The following TBC1D16 variants were observed in gnomAD, a reference collection of about 807,000 sequenced individuals.
The protein encoded by TBC1D16 is TBC1 domain family member 16.
Under a neutral mutation model 74.7 loss-of-function variants are expected in TBC1D16, and 58 were observed. The ratio of observed to expected loss-of-function variants is 0.78; its 90% confidence interval spans 0.63 to 0.97. The LOEUF is 0.97. TBC1D16 is among the 50% of genes least tolerant of loss of function. The pLI, the probability that TBC1D16 is intolerant of heterozygous loss-of-function variation, is 0.00. For missense variants in TBC1D16, 1,014 were observed against 1,079.5 expected (o/e 0.94, Z 0.85); for synonymous variants, 493 against 474.7 (o/e 1.04, Z -0.50).
Position 79,988,688 on chromosome 17 carries a change from G to A in TBC1D16, c.779+21472C>T, listed in dbSNP as rs1197117299. Among the ~76,000 whole-genome samples, 2 of 152,184 alleles carry A rather than the reference G, an allele frequency of 1.3e-5. No individual in the cohort carries two copies. Among genetic ancestry groups the A allele is most frequent in the Non-Finnish European group, 2.9e-5 (2 of 68,026 alleles). On this transcript the variant is annotated intron_variant, in intron 3 of 11. Transcript: ENST00000310924. The surrounding 1 kb of genome is among the most constrained non-coding windows in gnomAD (Gnocchi z 5.7). ...AAGGGCAAAAAGACTTTTTCTGGAG[G>A]GTCCTATGCACCAGATGTTGGCTCT...
At position 79,933,231 on chromosome 17, in the gene TBC1D16, A is replaced by T. The variant is rs1229736858; in HGVS notation, c.*7628T>A. On this transcript the variant is annotated 3_prime_UTR_variant, in exon 12 of 12. Transcript: ENST00000310924. ...GGACTTCTCTGGGTGGATGTGAGGG[A>T]GGGTGATTGAACTGGAGGAGGGGGC... 6.6e-6 allele frequency: 1 copy of T among 151,226 alleles called. No individual in the cohort carries two copies. 9.4% of individuals were successfully genotyped at this position (151,226 alleles called of 1,614,324 possible). A position where few individuals can be genotyped will look rare whatever the true frequency, so the allele number is the denominator to read the frequency against.
In TBC1D16 at chr17:79,980,061, G is replaced by A. The variant is rs2034516105; in HGVS notation, c.780-27243C>T. Among the ~76,000 whole-genome samples, 1 of 152,156 alleles carries A rather than the reference G, an allele frequency of 6.6e-6. No homozygotes were observed. Among genetic ancestry groups the A allele is most frequent in the African/African-American group, 2.4e-5 (1 of 41,436 alleles). ...CTTGCACCTGGAGGAGCAGCTCACC[G>A]TGCCGTGGAGGGTGGCCGCGAGGTT... On this transcript the variant is annotated intron_variant, in intron 3 of 11. Transcript: ENST00000310924. The surrounding 1 kb of genome is among the most constrained non-coding windows in gnomAD (Gnocchi z 7.0).
At position 79,980,708 on chromosome 17, in the gene TBC1D16, C is replaced by G. The variant is rs1186982091; in HGVS notation, c.780-27890G>C. Among the ~76,000 whole-genome samples the G allele has an allele frequency of 6.6e-6, 1 of 152,254 alleles. No individual in the cohort carries two copies. Among genetic ancestry groups the G allele is most frequent in the African/African-American group, 2.4e-5 (1 of 41,468 alleles). ...GGCTTGGTCCCGCCTTTCAGCCCCC[C>G]AGGGTTCACTCGAACCGCCTCCGCG... On this transcript the variant is annotated intron_variant, in intron 3 of 11. Coordinates refer to ENST00000310924, the MANE Select transcript of TBC1D16 (RefSeq NM_019020.4). This position sits in a 1 kb window ranked among gnomAD's most constrained non-coding sequence, Gnocchi z 7.0.
intron 3 of TBC1D16, among the ~76,000 whole-genome samples, chr17:79,996,752 A>C (rs1469651812): frequency 6.6e-6 from 1 of 152,178 alleles, no homozygotes; most frequent in Non-Finnish European, 1.5e-5. Flanking sequence ...TTAAAAAACT[A>C]ATCACACAAT....
intron 1 of TBC1D16, among the ~76,000 whole-genome samples, chr17:80,016,343 C>A (rs1004765586): frequency 6.6e-6 from 1 of 152,030 alleles, no homozygotes; most frequent in African/African-American, 2.4e-5. Context: ...TGGACAGTGG[C>A]GGCGGCTCTA....
Position 79,940,920 on chromosome 17 carries a change from G to T in TBC1D16, c.2243C>A (p.Ser748Tyr). The T allele has an allele frequency of 6.3e-7, 1 of 1,592,998 alleles. No individual in the cohort carries two copies. Residue 748 changes from serine to tyrosine, a missense_variant, in exon 12 of 12, where the codon TCC becomes TAC. Transcript: ENST00000310924. The surrounding 1 kb of genome is among the most constrained non-coding windows in gnomAD (Gnocchi z 5.4). ...GGTVEMPSPK[S>Y]LREGKKGPKT... ...TGGGCCCTTCTTGCCTTCCCTCAGGGACTTGGGGGAAGGCATCTCCACCGT... is the reference window on the plus strand; with the variant it reads ...TGGGCCCTTCTTGCCTTCCCTCAGGTACTTGGGGGAAGGCATCTCCACCGT...
In TBC1D16 at chr17:80,020,981, G is replaced by A. The variant is rs1045208878; in HGVS notation, c.-62-7372C>T. Among the ~76,000 whole-genome samples, 4 of 149,822 alleles carry A rather than the reference G, an allele frequency of 2.7e-5. 1 individual carries two copies. The highest frequency in any genetic ancestry group is 2.1e-4 in the South Asian group (1 of 4,768). On this transcript the variant is annotated intron_variant, in intron 1 of 11. Coordinates refer to ENST00000310924, the MANE Select transcript of TBC1D16 (RefSeq NM_019020.4). ...AACCAGCCTGGGCAGGGCCGGGCAC[G>A]GTGGCTCACGCCTGTAATCCCAGCA...
Position 79,962,735 on chromosome 17 carries a change from A to T in TBC1D16, c.780-9917T>A, listed in dbSNP as rs184028293. Among the ~76,000 whole-genome samples the T allele has an allele frequency of 1.3e-4, 20 of 151,718 alleles. 1 individual carries two copies. The highest frequency in any genetic ancestry group is 4.8e-4 in the African/African-American group (20 of 41,416). On this transcript the variant is annotated intron_variant, in intron 3 of 11. Coordinates refer to ENST00000310924, the MANE Select transcript of TBC1D16 (RefSeq NM_019020.4). ...GGTCACTTGAGGTCAGGAGTTTGTG[A>T]CCAGCCTGACCAACATGATGAAATC... is the stretch of plus-strand genomic sequence containing the variant.
intron 1 of TBC1D16, among the ~76,000 whole-genome samples, chr17:80,017,173 A>T (rs141854905): frequency 3.3e-5 from 5 of 152,214 alleles, no homozygotes; most frequent in Admixed American, 6.5e-5. Flanking sequence ...TGTTCTGCAA[A>T]AGGCCAGAGA....
Position 79,983,935 on chromosome 17 carries a change from C to T in TBC1D16, c.779+26225G>A, listed in dbSNP as rs754964013. Among the ~76,000 whole-genome samples the T allele has an allele frequency of 6.6e-6, 1 of 152,106 alleles. No homozygotes were observed. Among genetic ancestry groups the T allele is most frequent in the Non-Finnish European group, 1.5e-5 (1 of 68,016 alleles). ...ATGCTGGAGTGCAGGGGTATGATCT[C>T]GGCTTACTGCAGCCTTGATCTCCCA... On this transcript the variant is annotated intron_variant, in intron 3 of 11. Coordinates refer to ENST00000310924, the MANE Select transcript of TBC1D16 (RefSeq NM_019020.4). The surrounding 1 kb of genome is among the most constrained non-coding windows in gnomAD (Gnocchi z 5.6).
Position 79,979,613 on chromosome 17 carries a change from T to C in TBC1D16, c.780-26795A>G, listed in dbSNP as rs986108037. ...CGGTTCCTGTCGCAGGTCCAGGTTA[T>C]TCGGTGCCATAAAAAGGCACACGTC... is the stretch of plus-strand genomic sequence containing the variant. On this transcript the variant is annotated intron_variant, in intron 3 of 11. Transcript: ENST00000310924. The surrounding 1 kb of genome is among the most constrained non-coding windows in gnomAD (Gnocchi z 4.8). 6.6e-6 allele frequency among the ~76,000 whole-genome samples: 1 copy of C among 152,082 alleles called. No homozygotes were observed. Among genetic ancestry groups the C allele is most frequent in the African/African-American group, 2.4e-5 (1 of 41,404 alleles).
At chr17:79,942,015 T>C in intron 11 of TBC1D16, 45 bp downstream of exon 11, 1 of 1,150,272 alleles carries the variant, frequency 8.7e-7, no homozygotes. Flanking sequence ...GGGGTGGGGC[T>C]TTGGGGGCGG....
At chr17:80,004,521 G>A (rs1184506250) in intron 3 of TBC1D16, among the ~76,000 whole-genome samples, 1 of 152,202 alleles carries the variant, frequency 6.6e-6, no homozygotes, top group Non-Finnish European at 1.5e-5. Context: ...GGGTTCGTGA[G>A]CCCAGGTTTG....
At chr17:79,992,102 G>A (rs2035087292) in intron 3 of TBC1D16, 1 of 152,310 alleles carries the variant, frequency 6.6e-6, no homozygotes, top group South Asian at 2.1e-4. Flanking sequence ...TCCCCCTCGT[G>A]GACCCTACAA....
chr17:79,958,856 C>T (rs1287603283), intron 3 of TBC1D16, among the ~76,000 whole-genome samples: 1 of 152,198 alleles, frequency 6.6e-6, no homozygotes, highest in Non-Finnish European at 1.5e-5. Context: ...GCCTCTGCTC[C>T]CACCACTTCT....
chr17:79,999,058 C>T (rs987808825), intron 3 of TBC1D16, among the ~76,000 whole-genome samples: 1 of 152,068 alleles, frequency 6.6e-6, no homozygotes, highest in Non-Finnish European at 1.5e-5. Flanking sequence ...GAATTTGAGA[C>T]CAGCCCGGCC....
rs2034898571 is a variant in TBC1D16 at position 79,987,782 on chromosome 17, A to G, written c.779+22378T>C. Among the ~76,000 whole-genome samples, 1 of 150,554 alleles carries G rather than the reference A, an allele frequency of 6.6e-6. No individual in the cohort carries two copies. The highest frequency in any genetic ancestry group is 2.4e-5 in the African/African-American group (1 of 40,910). On this transcript the variant is annotated intron_variant, in intron 3 of 11. Transcript: ENST00000310924. The surrounding 1 kb of genome is among the most constrained non-coding windows in gnomAD (Gnocchi z 5.2). ...CAGTACTGGGAGATTTGGGTTCCAC[A>G]GAGTTTAGGGGCTCCTACAAACAGC...
At chr17:79,945,474 C>A (rs996543218) in intron 9 of TBC1D16, among the ~76,000 whole-genome samples, 2 of 152,094 alleles carry the variant, frequency 1.3e-5, no homozygotes, top group South Asian at 2.1e-4. Context: ...TCCAGGGAGC[C>A]CCCCCACCCC....
chr17:80,029,208 C>T (rs1273495166), intron 1 of TBC1D16, among the ~76,000 whole-genome samples: 1 of 152,078 alleles, frequency 6.6e-6, no homozygotes, highest in East Asian at 1.9e-4. Context: ...AGTCTGCTTC[C>T]AGGACGAGAG....
Sources: allele counts gnomAD v4.1 joint callset (sites outside exome capture counted in the v4.1 genomes callset), GRCh38; gene constraint gnomAD v4.1.1; non-coding constraint Gnocchi (gnomAD v3.1); transcripts MANE v1.5; gene names NCBI Gene and HGNC (gene_info 2026-07-23, HGNC 2026-07-21).